The following PAN3 variants were observed in gnomAD, a reference collection of about 807,000 sequenced individuals.
PAN3 encodes the protein PAN2-PAN3 deadenylation complex subunit PAN3.
PAN3 carries 19 observed loss-of-function variants against 96.2 expected under a neutral mutation model. That is an observed-to-expected ratio of 0.20 (90% CI 0.14 to 0.29). The LOEUF is 0.29. Among genes scored for constraint, PAN3 ranks in the 10% least tolerant of loss-of-function variants. The pLI is 1.00. For missense variants in PAN3, 882 were observed against 1,108.1 expected, an observed-to-expected ratio of 0.80 and a Z score of 2.90; for synonymous variants, 433 against 406.6, an observed-to-expected ratio of 1.06 and a Z score of -0.78.
At chr13:28,246,623 A>G (rs1473299177) in intron 6 of PAN3, among the ~76,000 whole-genome samples, 1 of 152,058 alleles carries the variant, frequency 6.6e-6, no homozygotes, top group Non-Finnish European at 1.5e-5. Context: ...TCTTCTTTCT[A>G]TCTCTATGAG....
intron 6 of PAN3, among the ~76,000 whole-genome samples, chr13:28,224,807 A>G (rs567705214): frequency 6.6e-6 from 1 of 152,238 alleles, no homozygotes; most frequent in South Asian, 2.1e-4. Context: ...TTTTTTTTGT[A>G]GAGACGAGTT....
Position 28,138,872 on chromosome 13 carries a change from C to T in PAN3, c.215C>T (p.Ala72Val). Residue 72 changes from alanine to valine, a missense_variant, in exon 1 of 19, where the codon GCC (alanine) becomes GTC (valine). Physicochemically the swap from Ala to Val is moderately conservative, Grantham distance 64. This residue lies in a region of PAN3 where 442 missense variants were observed against 422.8 expected (regional missense o/e 1.05). Transcript: ENST00000380958. The stretch of plus-strand genomic sequence containing the variant: ...TGTCAGTTCCTGCATGAGGACCCTG[C>T]CGCCGGGGCTGCCCCGGGCCTCGGC... Reference protein sequence around the residue: ...EECQFLHEDPAAGAAPGLGLH... With the variant: ...EECQFLHEDPVAGAAPGLGLH... 1 of 1,422,868 alleles carries T rather than the reference C, an allele frequency of 7.0e-7. No individual in the cohort carries two copies. The highest frequency in any genetic ancestry group is 2.8e-5 in the Admixed American group (1 of 36,322). The allele number at this position is 1,422,868 out of a possible 1,614,324, so 88.1% of individuals were successfully genotyped here. A position where few individuals can be genotyped will look rare whatever the true frequency, so the allele number is the denominator to read the frequency against.
chr13:28,229,203 T>A (rs867161461), intron 6 of PAN3, among the ~76,000 whole-genome samples: 1 of 152,226 alleles, frequency 6.6e-6, no homozygotes, highest in African/African-American at 2.4e-5. Context: ...CCTGGTTATC[T>A]CATGAATATA....
chr13:28,281,297 T>G lies in PAN3; in HGVS notation c.2320-18T>G, dbSNP rs761573334. 4 of 1,599,364 alleles carry G rather than the reference T, an allele frequency of 2.5e-6. No individual in the cohort carries two copies. Among genetic ancestry groups the G allele is most frequent in the Admixed American group, 3.4e-5 (2 of 59,060 alleles). On this transcript the variant is annotated intron_variant, in intron 16 of 18. Transcript: ENST00000380958. ...ATCTGGAACATTAACATTTTTCTCT[T>G]TTTAAAATGTTTTATAGGAGGTTCA...
chr13:28,277,114 T>G, intron 14 of PAN3, 123 bp from the exon 15 acceptor site: 1 of 962,930 alleles, frequency 1.0e-6, no homozygotes, highest in Non-Finnish European at 1.5e-6. Flanking sequence ...ATCACCAGTA[T>G]TTGAGGACCC....
chr13:28,194,170 C>A (rs139380735), intron 4 of PAN3, among the ~76,000 whole-genome samples: 1 of 150,534 alleles, frequency 6.6e-6, no homozygotes. Context: ...AAAAGAGACA[C>A]TGTCTCAAAA....
chr13:28,281,339 A>G lies in PAN3; in HGVS notation c.2344A>G (p.Arg782Gly). The change falls in exon 17 of 19, where the codon AGG (arginine) becomes GGG (glycine). Residue 782 changes from arginine (R) to glycine (G), a missense_variant. Coordinates refer to ENST00000380958, the MANE Select transcript of PAN3 (RefSeq NM_175854.8). ...AKEVQNGRLF[R>G]LLAKLGTINE... ...GGAGGTTCAAAATGGAAGACTGTTT[A>G]GGCTCCTAGCAAAATTGGGAACAAT... is the stretch of plus-strand genomic sequence containing the variant. The G allele has an allele frequency of 6.2e-7, 1 of 1,611,568 alleles. No homozygotes were observed. Among genetic ancestry groups the G allele is most frequent in the Non-Finnish European group, 8.5e-7 (1 of 1,178,034 alleles).
At chr13:28,221,353 A>G (rs1375169316) in intron 6 of PAN3, among the ~76,000 whole-genome samples, 1 of 151,874 alleles carries the variant, frequency 6.6e-6, no homozygotes, top group African/African-American at 2.4e-5. Flanking sequence ...ACATTAAAAA[A>G]AAAAACAGAA....
Position 28,293,769 on chromosome 13 carries a change from A to G in PAN3, c.*1247A>G, listed in dbSNP as rs1870047855. On this transcript the variant is annotated 3_prime_UTR_variant, in exon 19 of 19. Transcript: ENST00000380958. ...TGGGTATTCATGGAATTTCTAGTAA[A>G]TGAAATACCTATACTTTGATACTGA... 1 of 152,602 alleles carries G rather than the reference A, an allele frequency of 6.6e-6. No homozygotes were observed. The highest frequency in any genetic ancestry group is 6.5e-5 in the Admixed American group (1 of 15,284). 9.5% of individuals were successfully genotyped at this position (152,602 alleles called of 1,614,324 possible).
chr13:28,139,946 T>C (rs933710203), intron 1 of PAN3, among the ~76,000 whole-genome samples: 1 of 146,900 alleles, frequency 6.8e-6, no homozygotes, highest in Non-Finnish European at 1.5e-5. Flanking sequence ...GTGTTGTTGT[T>C]GTTGTTGTTG....
chr13:28,166,454 G>T (rs554538154), intron 1 of PAN3, among the ~76,000 whole-genome samples: 1 of 152,172 alleles, frequency 6.6e-6, no homozygotes, highest in Non-Finnish European at 1.5e-5. Context: ...CGCCCTTATG[G>T]CTTTATCTGG....
chr13:28,161,740 A>G (rs74041585), intron 1 of PAN3, among the ~76,000 whole-genome samples: 403 of 152,320 alleles, frequency 2.6e-3, no homozygotes, highest in African/African-American at 9.4e-3. Context: ...GCTTTATCAT[A>G]AGGGCAGGAA....
chr13:28,159,801 A>G (rs1396386160), intron 1 of PAN3, among the ~76,000 whole-genome samples: 5 of 152,052 alleles, frequency 3.3e-5, no homozygotes, highest in African/African-American at 1.2e-4. Flanking sequence ...GGAAGGGAAA[A>G]GTACCCATTG....
At chr13:28,197,613 C>G (rs948861472) in intron 5 of PAN3, among the ~76,000 whole-genome samples, 1 of 151,918 alleles carries the variant, frequency 6.6e-6, no homozygotes, top group Admixed American at 6.6e-5. Context: ...CACTCTGTCC[C>G]CCAGGCTGGA....
rs550853261 is a variant in PAN3, at chr13:28,242,553, G to A, written c.1001-13739G>A. On this transcript the variant is annotated intron_variant, in intron 6 of 18. Coordinates refer to ENST00000380958, the MANE Select transcript of PAN3 (RefSeq NM_175854.8). ...GTGATGGGAATAATTTTTAGATATG[G>A]GTGTCAAGAAAATCTTCATCAAGAA... Among the ~76,000 whole-genome samples, 10 of 152,170 alleles carry A rather than the reference G, an allele frequency of 6.6e-5. No homozygotes were observed. The East Asian group carries it at 1.5e-3, about 24-fold the overall frequency.
At chr13:28,264,311 A>G (rs1310975974) in intron 9 of PAN3, among the ~76,000 whole-genome samples, 2 of 152,126 alleles carry the variant, frequency 1.3e-5, no homozygotes, top group African/African-American at 4.8e-5. Context: ...GGCCAAGGTG[A>G]GTGGATCACT....
At chr13:28,276,260 A>AT (rs1887053090) in intron 14 of PAN3, among the ~76,000 whole-genome samples, 1 of 152,206 alleles carries the variant, frequency 6.6e-6, no homozygotes, top group South Asian at 2.1e-4. Flanking sequence ...AAAATTCCTT[A>AT]TAATAAACGA....
rs886736774 is a variant in PAN3, at chr13:28,273,276, G to A, written c.2049+1205G>A. Among the ~76,000 whole-genome samples, 5 of 152,172 alleles carry A rather than the reference G, an allele frequency of 3.3e-5. 1 individual carries two copies. The Middle Eastern group carries it at 0.01, about 311-fold the overall frequency. Reference sequence around the variant, plus strand: ...TTCCTGATTTAAATGATAAAGTATCGAAGAATAAGAACGTATCTTCAAGCA... The same window carrying A: ...TTCCTGATTTAAATGATAAAGTATCAAAGAATAAGAACGTATCTTCAAGCA... On this transcript the variant is annotated intron_variant, in intron 14 of 18. Transcript: ENST00000380958.
At chr13:28,159,035 TG>T (rs952897237) in intron 1 of PAN3, among the ~76,000 whole-genome samples, 1 of 152,158 alleles carries the variant, frequency 6.6e-6, no homozygotes, top group African/African-American at 2.4e-5. Context: ...ACACTGCTAG[TG>T]GGGAAAGCAG....
Sources: allele counts gnomAD v4.1 joint callset (sites outside exome capture counted in the v4.1 genomes callset), GRCh38; gene constraint gnomAD v4.1.1; regional missense constraint gnomAD v4.1.1; transcripts MANE v1.5; gene names NCBI Gene and HGNC (gene_info 2026-07-23, HGNC 2026-07-21).